PKIB: variants seen among roughly 807,000 people sequenced by gnomAD.
The protein encoded by PKIB is cAMP-dependent protein kinase inhibitor beta, also known as PKI-beta.
Under a neutral mutation model 4.5 loss-of-function variants are expected in PKIB, and 2 were observed. That is an observed-to-expected ratio of 0.44 (90% CI 0.18 to 1.39). The LOEUF (loss-of-function observed/expected upper bound fraction) is 1.39. Ranked by LOEUF, PKIB falls within the 40% of genes most tolerant of loss-of-function variation. The pLI is 0.27. For missense variants in PKIB, 94 were observed against 92.6 expected (o/e 1.02, Z -0.06); for synonymous variants, 38 against 36.0 (o/e 1.06, Z -0.20).
intron 2 of PKIB, among the ~76,000 whole-genome samples, chr6:122,671,290 C>CAA (rs66952964): frequency 2.3e-4 from 27 of 119,882 alleles, no homozygotes; most frequent in East Asian, 1.4e-3. Flanking sequence ...GACTCTGTCT[C>CAA]AAAAAAAAAA....
chr6:122,654,802 G>A (rs936527513), intron 2 of PKIB, among the ~76,000 whole-genome samples: 1 of 152,030 alleles, frequency 6.6e-6, no homozygotes, highest in Non-Finnish European at 1.5e-5. Flanking sequence ...CAATTTTAGT[G>A]TTAGAAAGAG....
chr6:122,516,472 C>A (rs1776756742), intron 2 of PKIB, among the ~76,000 whole-genome samples: 1 of 152,268 alleles, frequency 6.6e-6, no homozygotes, highest in Admixed American at 6.5e-5. Flanking sequence ...CTTCCAAGAC[C>A]TTTGTTGCCT....
chr6:122,598,470 A>G (rs981362572), intron 3 of PKIB, among the ~76,000 whole-genome samples: 3 of 152,128 alleles, frequency 2.0e-5, no homozygotes, highest in Non-Finnish European at 4.4e-5. Flanking sequence ...AATTATTCCC[A>G]TTGTATTTAA....
At chr6:122,663,748 T>G (rs1777107639) in intron 2 of PKIB, among the ~76,000 whole-genome samples, 1 of 152,202 alleles carries the variant, frequency 6.6e-6, no homozygotes. Flanking sequence ...TGTGACCTCA[T>G]CTTAACTTGG....
chr6:122,689,887 A>C (rs1023006514), intron 3 of PKIB, among the ~76,000 whole-genome samples: 3 of 152,070 alleles, frequency 2.0e-5, no homozygotes, highest in Admixed American at 6.6e-5. Flanking sequence ...TTGGGAGTCT[A>C]TCTCTCTCTC....
intron 1 of PKIB, among the ~76,000 whole-genome samples, chr6:122,475,226 G>C (rs567525658): frequency 1.3e-5 from 2 of 152,084 alleles, no homozygotes; most frequent in East Asian, 3.9e-4. Context: ...TTACAGGCGT[G>C]TACCAAAACG....
chr6:122,618,513 G>T (rs967398100), intron 1 of PKIB, among the ~76,000 whole-genome samples: 1 of 151,766 alleles, frequency 6.6e-6, no homozygotes, highest in African/African-American at 2.4e-5. Flanking sequence ...AGAAATTTCA[G>T]AATAGTTTTA....
At chr6:122,607,190 C>T (rs915643813), upstream of PKIB, among the ~76,000 whole-genome samples, 27 of 151,880 alleles carry the variant, frequency 1.8e-4, no homozygotes, top group African/African-American at 5.6e-4. Flanking sequence ...AAAGTAGATC[C>T]TGAGCAAGGC....
At chr6:122,648,872 C>T (rs879003677) in intron 2 of PKIB, among the ~76,000 whole-genome samples, 4 of 152,304 alleles carry the variant, frequency 2.6e-5, no homozygotes, top group Admixed American at 2.6e-4. Context: ...TCAGCAGTGG[C>T]TGAAGTCAGG....
In PKIB at chr6:122,580,758, A is replaced by C. The variant is rs541894074; in HGVS notation, c.-247-5163A>C. 3.3e-5 allele frequency among the ~76,000 whole-genome samples: 5 copies of C among 152,222 alleles called. No individual in the cohort carries two copies. In the East Asian group the frequency reaches 7.7e-4, roughly 23 times the overall value. ...TTCCCCCCACCAACTTTTAAAAAAG[A>C]TTGAATCTGTTTTAGTGAGCCTCCA... On this transcript the variant is annotated intron_variant, in intron 2 of 6. Transcript: ENST00000392491.
chr6:122,504,543 A>G (rs1210985487), intron 2 of PKIB, among the ~76,000 whole-genome samples: 1 of 152,200 alleles, frequency 6.6e-6, no homozygotes, highest in Admixed American at 6.5e-5. Flanking sequence ...CTCTGAATGC[A>G]TATTTTCTCT....
chr6:122,695,860 C>T (rs112663363), intron 3 of PKIB, among the ~76,000 whole-genome samples: 12 of 152,226 alleles, frequency 7.9e-5, no homozygotes, highest in African/African-American at 2.9e-4. Context: ...TCTCCTCTCT[C>T]TTCTCTCCCT....
intron 4 of PKIB, among the ~76,000 whole-genome samples, chr6:122,720,162 C>T (rs1779680838): frequency 6.6e-6 from 1 of 152,006 alleles, no homozygotes; most frequent in Non-Finnish European, 1.5e-5. Context: ...TGCAGATTTC[C>T]CTCAGATCTA....
chr6:122,532,743 T>C (rs527642480), intron 2 of PKIB, among the ~76,000 whole-genome samples: 11 of 152,334 alleles, frequency 7.2e-5, no homozygotes, highest in East Asian at 5.8e-4. Context: ...TTACATACCA[T>C]ATTTTGTTTA....
At position 122,612,944 on chromosome 6, in the gene PKIB, A is replaced by G. The variant is rs538843626; in HGVS notation, c.-161+2409A>G. Among the ~76,000 whole-genome samples the G allele has an allele frequency of 1.3e-4, 20 of 152,300 alleles. 1 individual carries two copies. In the South Asian group the frequency reaches 4.1e-3, roughly 32 times the overall value. The stretch of plus-strand genomic sequence containing the variant: ...ATAAATGTTTCTTACTGGATCATAT[A>G]TGATGTTATATGTATATAGAGAGAG... On this transcript the variant is annotated intron_variant, in intron 1 of 4. Transcript: ENST00000368452.
chr6:122,614,942 A>G (rs1372915195), intron 1 of PKIB, among the ~76,000 whole-genome samples: 1 of 152,164 alleles, frequency 6.6e-6, no homozygotes, highest in Non-Finnish European at 1.5e-5. Flanking sequence ...TTAAATTTTA[A>G]AATGCTGAAA....
intron 3 of PKIB, among the ~76,000 whole-genome samples, chr6:122,599,820 G>A (rs192389178): frequency 6.6e-6 from 1 of 152,180 alleles, no homozygotes; most frequent in East Asian, 1.9e-4. Context: ...AGAGTCCCTA[G>A]CATTTTTGGG....
intron 3 of PKIB, among the ~76,000 whole-genome samples, chr6:122,708,238 A>T (rs1010144346): frequency 1.3e-5 from 2 of 152,188 alleles, no homozygotes; most frequent in Non-Finnish European, 2.9e-5. Context: ...AATTTTAAAC[A>T]AGGTGGTTAA....
chr6:122,713,134 C>T (rs769564699), intron 3 of PKIB, among the ~76,000 whole-genome samples: 3 of 151,936 alleles, frequency 2.0e-5, no homozygotes, highest in Non-Finnish European at 4.4e-5. Context: ...TCTCAAGCAG[C>T]CTGAAAATTG....
Sources: gnomAD v4.1 joint callset for allele counts (sites outside exome capture counted in the v4.1 genomes callset) on GRCh38, gnomAD v4.1.1 for gene constraint, MANE v1.5 for transcripts, NCBI Gene and HGNC (gene_info 2026-07-23, HGNC 2026-07-21) for gene names.